Variants in TFG observed in about 807,000 individuals in gnomAD.
TFG encodes trafficking from ER to golgi regulator, also known as protein TFG.
Under a neutral mutation model 51.4 loss-of-function variants are expected in TFG, and 22 were observed. The ratio of observed to expected loss-of-function variants is 0.43; its 90% CI spans 0.31 to 0.61. The LOEUF (loss-of-function observed/expected upper bound fraction) is 0.61. Among genes scored for constraint, TFG ranks in the 20% least tolerant of loss-of-function variants. The probability of loss-of-function intolerance (pLI) is 0.12; values close to 1 mark genes in which losing one functional copy is unlikely to be tolerated. For missense variants in TFG, 419 were observed against 487.7 expected (o/e 0.86, Z 1.33); for synonymous variants, 187 against 165.6 (o/e 1.13, Z -0.99).
chr3:100,713,916 A>T (rs1476051165), intron 2 of TFG, 47 bp downstream of exon 2: 4 of 1,268,726 alleles, frequency 3.2e-6, no homozygotes, highest in Non-Finnish European at 4.2e-6. Context: ...TTAAAAAAAA[A>T]AAAAAAAAGA....
Position 100,748,736 on chromosome 3 carries a change from A to G in TFG, c.*205A>G. On this transcript the variant is annotated 3_prime_UTR_variant, in exon 8 of 8. Coordinates refer to ENST00000240851, the MANE Select transcript of TFG (RefSeq NM_006070.6). ...TTTTTTCCTCCCTGCTTAAAAATGT[A>G]GCAGCTTCTTAGTTACTTTGGAACA... 1 of 566,638 alleles carries G rather than the reference A, an allele frequency of 1.8e-6. No homozygotes were observed. The allele number at this position is 566,638 out of a possible 1,614,324, so 35.1% of individuals were successfully genotyped here.
intron 3 of TFG, among the ~76,000 whole-genome samples, chr3:100,722,017 G>T (rs1311096502): frequency 6.6e-6 from 1 of 152,186 alleles, no homozygotes; most frequent in African/African-American, 2.4e-5. Context: ...CAGCTGTAGT[G>T]GTGTGTGCCT....
At chr3:100,738,626 A>G (rs1013429860) in intron 6 of TFG, among the ~76,000 whole-genome samples, 2 of 152,208 alleles carry the variant, frequency 1.3e-5, no homozygotes, top group African/African-American at 2.4e-5. Flanking sequence ...GTAGCAGATT[A>G]ACACTGTTTA....
chr3:100,740,302 A>G (rs953924716), intron 6 of TFG, among the ~76,000 whole-genome samples: 2 of 152,182 alleles, frequency 1.3e-5, no homozygotes, highest in African/African-American at 4.8e-5. Context: ...ATGAGGTTGC[A>G]GTTAAAAATG....
intron 3 of TFG, among the ~76,000 whole-genome samples, chr3:100,722,508 G>C (rs1016443605): frequency 2.0e-5 from 3 of 152,192 alleles, no homozygotes; most frequent in Non-Finnish European, 4.4e-5. Flanking sequence ...AAAAGCTATA[G>C]ACCCTCAGAT....
At chr3:100,736,374 A>C (rs2095106258) in intron 5 of TFG, among the ~76,000 whole-genome samples, 1 of 152,194 alleles carries the variant, frequency 6.6e-6, no homozygotes, top group South Asian at 2.1e-4. Flanking sequence ...TTTATAAGGA[A>C]GGAGTTCCAG....
rs1171510985 is a variant in TFG, at chr3:100,746,663, G to A, written c.821-1486G>A. Among the ~76,000 whole-genome samples the A allele has an allele frequency of 2.6e-5, 4 of 152,012 alleles. No individual in the cohort carries two copies. In the East Asian group the frequency reaches 7.7e-4, roughly 29 times the overall value. On this transcript the variant is annotated intron_variant, in intron 7 of 7. Transcript: ENST00000240851. Reference sequence around the variant, plus strand: ...AAGCATTGCCACATTATGTTCAAGAGACTGGTGGGCTGCTAATGAAATCTT... The same window carrying A: ...AAGCATTGCCACATTATGTTCAAGAAACTGGTGGGCTGCTAATGAAATCTT...
At chr3:100,724,892 A>T (rs1481293934) in intron 3 of TFG, among the ~76,000 whole-genome samples, 1 of 152,204 alleles carries the variant, frequency 6.6e-6, no homozygotes, top group Non-Finnish European at 1.5e-5. Flanking sequence ...AGTCGTAGCA[A>T]ACTATGAATA....
intron 4 of TFG, 47 bp from the exon 5 acceptor site, chr3:100,732,461 A>G (rs756503382): frequency 5.0e-5 from 73 of 1,456,164 alleles, no homozygotes; most frequent in Non-Finnish European, 6.6e-5. Context: ...CTTACTGAAT[A>G]TAGATAAAAA....
Position 100,713,718 on chromosome 3 carries a change from A to T in TFG, c.33A>T (p.Leu11=), listed in dbSNP as rs369343773. 1.9e-6 allele frequency: 3 copies of T among 1,609,564 alleles called. No individual in the cohort carries two copies. In the East Asian group the frequency reaches 6.7e-5, roughly 36 times the overall value. Residue 11 remains leucine, a synonymous_variant, in exon 2 of 8, where the codon CTA becomes CTT. Coordinates refer to ENST00000240851, the MANE Select transcript of TFG (RefSeq NM_006070.6). ...GACAGTTGGATCTAAGTGGGAAGCT[A>T]ATCATCAAAGCTCAACTTGGGGAGG... MNGQLDLSGK[L]IIKAQLGEDI... is the part of the protein sequence containing the mutation.
chr3:100,728,040 C>T (rs1185009635), intron 3 of TFG, among the ~76,000 whole-genome samples: 2 of 152,094 alleles, frequency 1.3e-5, no homozygotes, highest in African/African-American at 4.8e-5. Flanking sequence ...CACTGTATTG[C>T]TCAGGTTTTT....
intron 3 of TFG, among the ~76,000 whole-genome samples, chr3:100,722,479 G>T (rs1449524537): frequency 6.6e-6 from 1 of 152,196 alleles, no homozygotes; most frequent in Non-Finnish European, 1.5e-5. Flanking sequence ...AATGACTAAA[G>T]AAATTTTCAG....
Position 100,711,924 on chromosome 3 carries a change from G to A in TFG, c.-43-1719G>A, listed in dbSNP as rs3821726. ...CATTGCAGAAGGCATTGCAGAAGGCGAAGAGTTGGTTGTGTGGAGATTTCT... is the reference window on the plus strand; with the variant it reads ...CATTGCAGAAGGCATTGCAGAAGGCAAAGAGTTGGTTGTGTGGAGATTTCT... On this transcript the variant is annotated intron_variant, in intron 1 of 7. Coordinates refer to ENST00000240851, the MANE Select transcript of TFG (RefSeq NM_006070.6). 0.02 allele frequency among the ~76,000 whole-genome samples: 3,088 copies of A among 152,160 alleles called. 330 individuals are homozygous for A. In the East Asian group the frequency reaches 0.35, roughly 17 times the overall value.
intron 6 of TFG, among the ~76,000 whole-genome samples, chr3:100,742,109 T>A (rs1199398278): frequency 6.6e-6 from 1 of 152,180 alleles, no homozygotes; most frequent in Non-Finnish European, 1.5e-5. Context: ...AAGTTCATCC[T>A]TTTTCTTTTT....
chr3:100,726,387 CA>C (rs1243135135), intron 3 of TFG, among the ~76,000 whole-genome samples: 1 of 150,404 alleles, frequency 6.6e-6, no homozygotes, highest in Non-Finnish European at 1.5e-5. Context: ...TTCACTGACT[CA>C]AATGTCAGTG....
intron 2 of TFG, among the ~76,000 whole-genome samples, chr3:100,716,946 C>T (rs1461626308): frequency 6.6e-6 from 1 of 152,134 alleles, no homozygotes; most frequent in Non-Finnish European, 1.5e-5. Context: ...GAATATTCAT[C>T]CTCTGCCAGA....
intron 3 of TFG, among the ~76,000 whole-genome samples, chr3:100,720,852 C>T (rs1159708566): frequency 6.6e-6 from 1 of 152,086 alleles, no homozygotes; most frequent in Non-Finnish European, 1.5e-5. Flanking sequence ...GAAAAGATTA[C>T]AGAGTTAAAT....
intron 6 of TFG, among the ~76,000 whole-genome samples, chr3:100,742,052 C>A (rs1329982064): frequency 6.6e-6 from 1 of 152,184 alleles, no homozygotes; most frequent in Non-Finnish European, 1.5e-5. Flanking sequence ...ACAATGTCTG[C>A]ATTTTGCTCT....
chr3:100,743,363 T>A (rs1170049991), intron 6 of TFG: 1 of 152,202 alleles, frequency 6.6e-6, no homozygotes, highest in Non-Finnish European at 1.5e-5. Context: ...TGTACCTACT[T>A]ACCTTTTTAT....
Sources: gnomAD v4.1 joint callset for allele counts (sites outside exome capture counted in the v4.1 genomes callset) on GRCh38, gnomAD v4.1.1 for gene constraint, MANE v1.5 for transcripts, NCBI Gene and HGNC (gene_info 2026-07-23, HGNC 2026-07-21) for gene names.